Variants in PPP2R2B observed in about 807,000 individuals in gnomAD.
PPP2R2B encodes protein phosphatase 2 regulatory subunit Bbeta.
PPP2R2B carries 5 observed loss-of-function variants against 46.0 expected under a neutral mutation model. The observed-to-expected ratio is 0.11, with a 90% CI of 0.06 to 0.23. The LOEUF is 0.23. PPP2R2B is among the 10% of genes least tolerant of loss of function. PPP2R2B has a pLI of 1.00. For synonymous variants in PPP2R2B, 215 were observed against 206.7 expected (o/e 1.04, Z -0.34); for missense variants, 367 against 575.0 (o/e 0.64, Z 3.70).
chr5:146,776,222 G>T (rs2151276224), intron 2 of PPP2R2B, among the ~76,000 whole-genome samples: 1 of 152,146 alleles, frequency 6.6e-6, no homozygotes, highest in Admixed American at 6.5e-5. Flanking sequence ...TAAAGTTGGA[G>T]AACTCACATT....
chr5:147,077,084 T>C (rs1415615982), intron 2 of PPP2R2B, among the ~76,000 whole-genome samples: 1 of 147,906 alleles, frequency 6.8e-6, no homozygotes, highest in African/African-American at 2.5e-5. Context: ...TACATACATA[T>C]GTATTATATA....
chr5:146,738,326 G>A, intron 2 of PPP2R2B, among the ~76,000 whole-genome samples: 1 of 150,066 alleles, frequency 6.7e-6, no homozygotes, highest in Admixed American at 6.7e-5. Flanking sequence ...AACTTGGGAG[G>A]CGGAGCTTGC....
intron 2 of PPP2R2B, among the ~76,000 whole-genome samples, chr5:146,784,740 AT>A (rs1755734648): frequency 1.3e-5 from 2 of 152,184 alleles, no homozygotes; most frequent in Admixed American, 1.3e-4. Flanking sequence ...ATTTTAAAAC[AT>A]TGTCCATTTT....
intron 1 of PPP2R2B, among the ~76,000 whole-genome samples, chr5:146,995,609 C>A (rs956898836): frequency 5.3e-5 from 8 of 152,198 alleles, no homozygotes; most frequent in African/African-American, 1.7e-4. Context: ...ACAAGTTCAA[C>A]TCCATATTTC....
At chr5:146,951,440 C>T (rs940353281) in intron 1 of PPP2R2B, among the ~76,000 whole-genome samples, 2 of 151,752 alleles carry the variant, frequency 1.3e-5, no homozygotes, top group Non-Finnish European at 2.9e-5. Context: ...TTTGCTGCAC[C>T]TATCAACCCA....
intron 9 of PPP2R2B, 124 bp downstream of exon 9, chr5:146,592,847 C>T: frequency 1.2e-6 from 1 of 833,990 alleles, no homozygotes; most frequent in Admixed American, 2.0e-5. Flanking sequence ...CCACATTATG[C>T]ATTTCAGCCA....
intron 1 of PPP2R2B, among the ~76,000 whole-genome samples, chr5:147,010,530 T>C (rs1213892700): frequency 6.6e-6 from 1 of 152,162 alleles, no homozygotes; most frequent in Non-Finnish European, 1.5e-5. Flanking sequence ...TCATAAGGTG[T>C]GTGCAACCTA....
intron 2 of PPP2R2B, among the ~76,000 whole-genome samples, chr5:146,774,422 A>G (rs1755049033): frequency 3.9e-5 from 6 of 152,164 alleles, no homozygotes; most frequent in Admixed American, 3.9e-4. Flanking sequence ...TTTAGTAAAA[A>G]TCAAGGAAAA....
intron 1 of PPP2R2B, among the ~76,000 whole-genome samples, chr5:146,927,736 TC>T (rs1763825851): frequency 6.6e-6 from 1 of 151,294 alleles, no homozygotes; most frequent in African/African-American, 2.4e-5. Flanking sequence ...CATACTTTCT[TC>T]TTTTTTTTTT....
chr5:147,066,021 C>A (rs867520249), intron 2 of PPP2R2B, among the ~76,000 whole-genome samples: 15 of 152,068 alleles, frequency 9.9e-5, no homozygotes, highest in Admixed American at 2.0e-4. Flanking sequence ...CTGATTCGGG[C>A]TGGAATCAAA....
chr5:146,998,917 GAA>G (rs1032554904), intron 1 of PPP2R2B, among the ~76,000 whole-genome samples: 3 of 143,462 alleles, frequency 2.1e-5, no homozygotes, highest in Non-Finnish European at 3.0e-5. Context: ...AACAGGAGTA[GAA>G]AGTGTCAGAG....
intron 1 of PPP2R2B, among the ~76,000 whole-genome samples, chr5:146,910,310 T>C (rs1178596794): frequency 6.6e-6 from 1 of 152,256 alleles, no homozygotes; most frequent in Admixed American, 6.5e-5. Context: ...AAAGCTAGTT[T>C]GATCATTTAT....
At position 146,890,955 on chromosome 5, in the gene PPP2R2B, G is replaced by T. The variant is rs567375254; in HGVS notation, c.79+164710C>A. Reference sequence around the variant, plus strand: ...ACTCATTATGTCTATTTCACAGATAGGAAGAAAAAGAGAGAGAGAGAAAAA... The same window carrying T: ...ACTCATTATGTCTATTTCACAGATATGAAGAAAAAGAGAGAGAGAGAAAAA... On this transcript the variant is annotated intron_variant, in intron 1 of 8. Transcript: ENST00000336640. Among the ~76,000 whole-genome samples the T allele has an allele frequency of 3.3e-5, 5 of 152,154 alleles. No individual in the cohort carries two copies. In the East Asian group the frequency reaches 9.7e-4, roughly 29 times the overall value.
chr5:146,995,204 T>C (rs1753872312), intron 1 of PPP2R2B, among the ~76,000 whole-genome samples: 1 of 152,256 alleles, frequency 6.6e-6, no homozygotes, highest in South Asian at 2.1e-4. Context: ...CAGTGGGTTT[T>C]ACTTTCAAGC....
intron 2 of PPP2R2B, among the ~76,000 whole-genome samples, chr5:146,827,876 A>G (rs1028302198): frequency 1.3e-5 from 2 of 152,140 alleles, no homozygotes; most frequent in Non-Finnish European, 2.9e-5. Flanking sequence ...CCAGAAATAG[A>G]CATTAAGCCC....
intron 6 of PPP2R2B, among the ~76,000 whole-genome samples, chr5:146,646,240 G>A (rs1191319516): frequency 6.6e-6 from 1 of 152,102 alleles, no homozygotes; most frequent in Non-Finnish European, 1.5e-5. Flanking sequence ...CTCGATATGG[G>A]CCTATTTAAT....
At chr5:146,800,945 C>T (rs1335252941) in intron 2 of PPP2R2B, among the ~76,000 whole-genome samples, 10 of 150,870 alleles carry the variant, frequency 6.6e-5, no homozygotes, top group Admixed American at 5.9e-4. Flanking sequence ...CACACACACA[C>T]ATATACACAC....
intron 1 of PPP2R2B, among the ~76,000 whole-genome samples, chr5:146,971,594 T>C (rs1180154734): frequency 1.3e-5 from 2 of 152,234 alleles, no homozygotes; most frequent in Non-Finnish European, 1.5e-5. Flanking sequence ...GCAGTATACC[T>C]ATTAAATTTC....
intron 1 of PPP2R2B, among the ~76,000 whole-genome samples, chr5:147,010,326 G>A (rs991435641): frequency 1.3e-5 from 2 of 152,150 alleles, no homozygotes; most frequent in Non-Finnish European, 2.9e-5. Flanking sequence ...GGAATGGTTC[G>A]GGGATGGTTC....
Sources: allele counts gnomAD v4.1 joint callset (sites outside exome capture counted in the v4.1 genomes callset), GRCh38; gene constraint gnomAD v4.1.1; transcripts MANE v1.5; gene names NCBI Gene and HGNC (gene_info 2026-07-23, HGNC 2026-07-21).